The following CDIN1 variants were observed in gnomAD, a reference collection of about 807,000 sequenced individuals.
The protein encoded by CDIN1 is CDAN1-interacting nuclease 1.
Under a neutral mutation model 45.3 loss-of-function variants are expected in CDIN1, and 33 were observed. The observed-to-expected ratio is 0.73, with a 90% CI of 0.55 to 0.97. The LOEUF (loss-of-function observed/expected upper bound fraction) is 0.97. CDIN1 is among the 50% of genes least tolerant of loss of function. The pLI is 0.00. For synonymous variants in CDIN1, 118 were observed against 124.4 expected (o/e 0.95, Z 0.34); for missense variants, 303 against 339.4 (o/e 0.89, Z 0.84).
intron 8 of CDIN1, chr15:36,707,529 C>T (rs1417949410): frequency 2.6e-5 from 3 of 113,772 alleles, no homozygotes. Context: ...AGGAGTGCAG[C>T]ATCTGTCTTT....
At chr15:36,614,668 A>G (rs7169571) in intron 1 of CDIN1, among the ~76,000 whole-genome samples, 7,015 of 152,214 alleles carry the variant, frequency 0.046, 399 homozygotes, top group African/African-American at 0.13. Flanking sequence ...AGAGCCAAAC[A>G]GAGCCCAGGG....
At chr15:36,730,037 C>T (rs1175844750) in intron 10 of CDIN1, among the ~76,000 whole-genome samples, 6 of 152,034 alleles carry the variant, frequency 3.9e-5, no homozygotes, top group Non-Finnish European at 5.9e-5. Flanking sequence ...TCTTTGTTCC[C>T]ACTAACCCAC....
At chr15:36,752,646 T>G (rs2053506021) in intron 10 of CDIN1, among the ~76,000 whole-genome samples, 1 of 152,230 alleles carries the variant, frequency 6.6e-6, no homozygotes, top group Non-Finnish European at 1.5e-5. Flanking sequence ...CATTTACCAT[T>G]TGTTTCATTT....
chr15:36,633,972 G>A (rs111330846), intron 1 of CDIN1, among the ~76,000 whole-genome samples: 10 of 151,796 alleles, frequency 6.6e-5, no homozygotes, highest in Admixed American at 3.9e-4. Context: ...GGCTGGTCTC[G>A]AACTCTGGGC....
In CDIN1 at chr15:36,808,429, C is replaced by T; in HGVS notation, c.822C>T (p.Val274=). The change falls in exon 11 of 11, where the codon GTC becomes GTT. Residue 274 remains valine (V), a synonymous_variant. Transcript: ENST00000566621. ...AAGCCTGTTTCCCCACGAACATTGTCACCTTATGCCACAGCATAGCTTGAC... is the reference window on the plus strand; with the variant it reads ...AAGCCTGTTTCCCCACGAACATTGTTACCTTATGCCACAGCATAGCTTGAC... The part of the protein sequence containing the change: ...LLKACFPTNI[V]TLCHSIA 1 of 1,613,478 alleles carries T rather than the reference C, an allele frequency of 6.2e-7. No homozygotes were observed. Among genetic ancestry groups the T allele is most frequent in the East Asian group, 2.2e-5 (1 of 44,874 alleles).
At chr15:36,583,037 G>T (rs1265785494) in intron 1 of CDIN1, among the ~76,000 whole-genome samples, 6 of 152,034 alleles carry the variant, frequency 3.9e-5, no homozygotes, top group Admixed American at 3.9e-4. Context: ...ATCTGCATAT[G>T]TTCAGGATGC....
intron 1 of CDIN1, among the ~76,000 whole-genome samples, chr15:36,582,990 T>C (rs1476568999): frequency 2.0e-5 from 3 of 152,342 alleles, no homozygotes; most frequent in African/African-American, 7.2e-5. Context: ...TCTGTTGGCA[T>C]GTCTGTTGTT....
chr15:36,618,779 A>T, intron 1 of CDIN1: 2 of 763,550 alleles, frequency 2.6e-6, no homozygotes, highest in Non-Finnish European at 4.8e-6. Context: ...AAAAAAAAAA[A>T]AGGATCTAAT....
At chr15:36,602,417 CAG>C (rs2140237652) in intron 1 of CDIN1, among the ~76,000 whole-genome samples, 1 of 152,282 alleles carries the variant, frequency 6.6e-6, no homozygotes, top group South Asian at 2.1e-4. Context: ...GTGTGTGACA[CAG>C]TGTCTTTGGT....
intron 10 of CDIN1, among the ~76,000 whole-genome samples, chr15:36,805,740 G>A (rs12592109): frequency 0.064 from 9,810 of 152,134 alleles, 364 homozygotes; most frequent in South Asian, 0.13. Flanking sequence ...AGATTATCTC[G>A]TCAGCATCTG....
intron 5 of CDIN1, among the ~76,000 whole-genome samples, chr15:36,690,840 C>T (rs938985784): frequency 3.3e-5 from 5 of 152,116 alleles, no homozygotes; most frequent in African/African-American, 1.2e-4. Flanking sequence ...TGCCCTTCTC[C>T]CATGCATTAA....
chr15:36,807,147 C>G (rs74843742), intron 10 of CDIN1, among the ~76,000 whole-genome samples: 3,522 of 152,182 alleles, frequency 0.023, 71 homozygotes, highest in Non-Finnish European at 0.031. Flanking sequence ...CCAAATAAAC[C>G]AGGCCGTGAC....
chr15:36,626,572 G>A (rs1017842881), intron 1 of CDIN1: 6 of 241,188 alleles, frequency 2.5e-5, no homozygotes, highest in Non-Finnish European at 4.1e-5. Context: ...TCCTGTTTTG[G>A]CGACTAATAG....
At chr15:36,587,352 A>G (rs2037352359) in intron 1 of CDIN1, among the ~76,000 whole-genome samples, 1 of 151,698 alleles carries the variant, frequency 6.6e-6, no homozygotes, top group Non-Finnish European at 1.5e-5. Flanking sequence ...TTGAGTGGTC[A>G]TCCTGTGCTT....
chr15:36,779,653 A>G (rs569845261), intron 10 of CDIN1, among the ~76,000 whole-genome samples: 3 of 152,320 alleles, frequency 2.0e-5, no homozygotes, highest in African/African-American at 7.2e-5. Flanking sequence ...TGGGTGACGG[A>G]AAGAATCAGT....
At chr15:36,743,129 T>C (rs538229312) in intron 10 of CDIN1, among the ~76,000 whole-genome samples, 39 of 152,268 alleles carry the variant, frequency 2.6e-4, no homozygotes, top group African/African-American at 8.9e-4. Context: ...GAAGATGATA[T>C]TGGAGAAGTA....
chr15:36,704,525 A>G (rs1447988281), intron 8 of CDIN1: 2 of 151,960 alleles, frequency 1.3e-5, no homozygotes, highest in African/African-American at 4.8e-5. Context: ...ATAAAAATAT[A>G]GAGAATGAAG....
chr15:36,652,625 G>A (rs555141723), intron 3 of CDIN1, among the ~76,000 whole-genome samples: 58 of 152,182 alleles, frequency 3.8e-4, no homozygotes, highest in African/African-American at 1.3e-3. Context: ...GCTTCTGAAC[G>A]TCCTTATTTT....
intron 3 of CDIN1, among the ~76,000 whole-genome samples, chr15:36,648,006 A>AT (rs1245728892): frequency 6.6e-6 from 1 of 151,880 alleles, no homozygotes; most frequent in African/African-American, 2.4e-5. Context: ...CGCCCGGCTA[A>AT]TTTTTTGTAT....
Sources: allele counts gnomAD v4.1 joint callset (sites outside exome capture counted in the v4.1 genomes callset), GRCh38; gene constraint gnomAD v4.1.1; transcripts MANE v1.5; gene names NCBI Gene and HGNC (gene_info 2026-07-23, HGNC 2026-07-21).